The following DOCK2 variants were observed in gnomAD, a reference collection of about 807,000 sequenced individuals.
The protein encoded by DOCK2 is dedicator of cytokinesis protein 2.
In DOCK2, 87 loss-of-function variants were observed where a neutral mutation model predicts 248.9. The ratio of observed to expected loss-of-function variants is 0.35; its 90% CI spans 0.29 to 0.42. DOCK2 has a LOEUF of 0.42. DOCK2 is among the 10% of genes least tolerant of loss of function. The pLI is 1.00. For synonymous variants in DOCK2, 805 were observed against 821.6 expected (o/e 0.98, Z 0.35); for missense variants, 1,747 against 2,300.2 (o/e 0.76, Z 4.92).
Position 169,882,524 on chromosome 5 carries a change from T to C in DOCK2, c.2799+41672T>C, listed in dbSNP as rs1398293344. The stretch of plus-strand genomic sequence containing the variant: ...GTTGGCAAATGACTTCACCCAGTCA[T>C]TTTTAATATGAAAAAAAAATCTCCT... On this transcript the variant is annotated intron_variant, in intron 27 of 51. Coordinates refer to ENST00000520908, the MANE Select transcript of DOCK2 (RefSeq NM_004946.3). The C allele has an allele frequency of 3.3e-6, 5 of 1,512,494 alleles. No homozygotes were observed. In the East Asian group the frequency reaches 1.2e-4, roughly 37 times the overall value. 93.7% of individuals were successfully genotyped at this position (1,512,494 alleles called of 1,614,324 possible).
intron 27 of DOCK2, among the ~76,000 whole-genome samples, chr5:169,930,224 T>A (rs1775680210): frequency 6.6e-6 from 1 of 152,130 alleles, no homozygotes. Context: ...TCTCCTGACC[T>A]TGTGATCCGC....
chr5:169,827,300 A>G (rs1045812720), intron 26 of DOCK2, among the ~76,000 whole-genome samples: 1 of 152,136 alleles, frequency 6.6e-6, no homozygotes, highest in Non-Finnish European at 1.5e-5. Flanking sequence ...AGGAGCTGCA[A>G]CCTGCTGTTT....
At position 169,764,102 on chromosome 5, in the gene DOCK2, C is replaced by T. The variant is rs141055190; in HGVS notation, c.2554+2477C>T. Among the ~76,000 whole-genome samples the T allele has an allele frequency of 6.6e-6, 1 of 152,218 alleles. No individual in the cohort carries two copies. Among genetic ancestry groups the T allele is most frequent in the East Asian group, 1.9e-4 (1 of 5,178 alleles). On this transcript the variant is annotated intron_variant, in intron 25 of 51. Transcript: ENST00000520908. This position sits in a 1 kb window ranked among gnomAD's most constrained non-coding sequence, Gnocchi z 4.3. ...ATAAGGTGAGTGTGATTCCTCTGGC[C>T]AAGTTTGAGCAGTAATGAAATTCCT...
chr5:169,643,951 G>C (rs1167831902), intron 1 of DOCK2, among the ~76,000 whole-genome samples: 3 of 152,224 alleles, frequency 2.0e-5, no homozygotes, highest in Non-Finnish European at 4.4e-5. Flanking sequence ...TGCCTGGAAA[G>C]TGGGTTTTTG....
At chr5:169,948,383 T>G (rs983868860) in intron 27 of DOCK2, among the ~76,000 whole-genome samples, 11 of 152,074 alleles carry the variant, frequency 7.2e-5, no homozygotes, top group Admixed American at 2.0e-4. Context: ...GGAGAATGAT[T>G]ATTTGCACCT....
chr5:169,984,942 C>T (rs563848885), intron 28 of DOCK2, among the ~76,000 whole-genome samples: 1 of 152,202 alleles, frequency 6.6e-6, no homozygotes, highest in South Asian at 2.1e-4. Context: ...TTTTTTGAGA[C>T]AGAATCTCGC....
chr5:169,714,528 G>A (rs1761793574), intron 19 of DOCK2, 71 bp downstream of exon 19: 1 of 1,536,494 alleles, frequency 6.5e-7, no homozygotes, highest in Non-Finnish European at 9.0e-7. Context: ...GGCTTCAGGG[G>A]AAAAACAAGG....
chr5:169,769,371 A>T (rs1311771127), intron 25 of DOCK2, among the ~76,000 whole-genome samples: 2 of 152,212 alleles, frequency 1.3e-5, no homozygotes, highest in East Asian at 3.8e-4. Context: ...TCTCAATGCC[A>T]GGTGAAGGAG....
intron 26 of DOCK2, among the ~76,000 whole-genome samples, chr5:169,833,353 C>A (rs1412142322): frequency 6.6e-6 from 1 of 152,226 alleles, no homozygotes; most frequent in Non-Finnish European, 1.5e-5. Flanking sequence ...CTCTTGAAAA[C>A]CTCCTGAAAA....
At chr5:169,734,043 T>C (rs1299704870) in intron 22 of DOCK2, among the ~76,000 whole-genome samples, 1 of 152,146 alleles carries the variant, frequency 6.6e-6, no homozygotes, top group African/African-American at 2.4e-5. Context: ...TTATATTCTC[T>C]AGTTCTCATA....
At chr5:170,056,987 A>G in intron 43 of DOCK2, 1 of 515,512 alleles carries the variant, frequency 1.9e-6, no homozygotes, top group Non-Finnish European at 3.4e-6. Context: ...CCCAGGCCTC[A>G]TGTCAGAGGC....
At chr5:170,023,268 C>T (rs911816723) in intron 33 of DOCK2, among the ~76,000 whole-genome samples, 3 of 152,196 alleles carry the variant, frequency 2.0e-5, no homozygotes, top group African/African-American at 7.2e-5. Flanking sequence ...AGTGCCTGAA[C>T]ACCGTAGGAG....
chr5:169,746,866 G>A (rs974979880), intron 22 of DOCK2, among the ~76,000 whole-genome samples: 19 of 152,190 alleles, frequency 1.2e-4, no homozygotes, highest in African/African-American at 4.3e-4. Flanking sequence ...ACAGTGTAGG[G>A]ATTTTATAAT....
At chr5:169,804,634 C>T (rs1328731563) in intron 26 of DOCK2, among the ~76,000 whole-genome samples, 1 of 152,184 alleles carries the variant, frequency 6.6e-6, no homozygotes, top group Non-Finnish European at 1.5e-5. Flanking sequence ...TGCGCATTCT[C>T]TCTGCTCACC....
At chr5:169,840,876 C>G (rs780601013) in intron 27 of DOCK2, 24 bp downstream of exon 27, 1 of 1,608,286 alleles carries the variant, frequency 6.2e-7, no homozygotes, top group African/African-American at 1.3e-5. Context: ...TTCTTCTTGT[C>G]AAATGTTGCA....
intron 5 of DOCK2, among the ~76,000 whole-genome samples, chr5:169,672,322 A>G (rs559821293): frequency 6.6e-6 from 1 of 152,146 alleles, no homozygotes; most frequent in South Asian, 2.1e-4. Context: ...ACCCCTTTTA[A>G]AACATCACAA....
At chr5:170,036,044 T>G (rs906950549) in intron 35 of DOCK2, among the ~76,000 whole-genome samples, 14 of 152,184 alleles carry the variant, frequency 9.2e-5, no homozygotes, top group African/African-American at 3.1e-4. Context: ...TCCCATATAA[T>G]TCCTGATAGT....
chr5:169,928,629 G>T (rs911659739), intron 27 of DOCK2, among the ~76,000 whole-genome samples: 2 of 152,162 alleles, frequency 1.3e-5, no homozygotes, highest in Non-Finnish European at 2.9e-5. Context: ...CCTAGCAGGA[G>T]ACAAACTTTT....
chr5:169,754,809 T>TA (rs1441013040), intron 23 of DOCK2, among the ~76,000 whole-genome samples: 1 of 152,202 alleles, frequency 6.6e-6, no homozygotes, highest in Non-Finnish European at 1.5e-5. Context: ...TTCACATTGG[T>TA]AAAATGGGAT....
Sources: allele counts gnomAD v4.1 joint callset (sites outside exome capture counted in the v4.1 genomes callset), GRCh38; gene constraint gnomAD v4.1.1; non-coding constraint Gnocchi (gnomAD v3.1); transcripts MANE v1.5; gene names NCBI Gene and HGNC (gene_info 2026-07-23, HGNC 2026-07-21).